The following DIP2C variants were observed in gnomAD, a reference collection of about 807,000 sequenced individuals.
DIP2C encodes the protein DIP2 acetate--CoA ligase C (putative), also known as disco-interacting protein 2 homolog C.
In DIP2C, 33 loss-of-function variants were observed where a neutral mutation model predicts 192.4. The ratio of observed to expected loss-of-function variants is 0.17; its 90% confidence interval spans 0.13 to 0.23. The LOEUF (loss-of-function observed/expected upper bound fraction) is 0.23, where lower values mean the gene tolerates loss of function less well. DIP2C is among the 10% of genes least tolerant of loss of function. DIP2C has a pLI of 1.00. For missense variants in DIP2C, 1,537 were observed against 2,110.1 expected (o/e 0.73, Z 5.32); for synonymous variants, 979 against 864.1 (o/e 1.13, Z -2.33).
At chr10:591,635 C>G (rs1851408234) in intron 1 of DIP2C, among the ~76,000 whole-genome samples, 1 of 152,170 alleles carries the variant, frequency 6.6e-6, no homozygotes, top group Admixed American at 6.5e-5. Context: ...AAGCTGTTGG[C>G]TAAATACAAC....
rs1954434281 is a variant in DIP2C, at chr10:274,932, A to T, written c.*2393T>A. ...CAGAATGACCCTTCTTTATTGCTGA[A>T]ACTGGTGGTACTAAGTGTCTCCTTT... On this transcript the variant is annotated 3_prime_UTR_variant, in exon 37 of 37. Coordinates refer to ENST00000280886, the MANE Select transcript of DIP2C (RefSeq NM_014974.3). 1 of 152,204 alleles carries T rather than the reference A, an allele frequency of 6.6e-6. No individual in the cohort carries two copies. The highest frequency in any genetic ancestry group is 2.4e-5 in the African/African-American group (1 of 41,456). The allele number at this position is 152,204 out of a possible 1,614,324, so 9.4% of individuals were successfully genotyped here.
At chr10:553,962 A>G (rs1564843400) in intron 1 of DIP2C, among the ~76,000 whole-genome samples, 1 of 151,062 alleles carries the variant, frequency 6.6e-6, no homozygotes, top group Non-Finnish European at 1.5e-5. Flanking sequence ...CATAGAAAAA[A>G]CGTATACGCT....
At chr10:519,582 G>A (rs1047593914) in intron 1 of DIP2C, among the ~76,000 whole-genome samples, 1 of 152,210 alleles carries the variant, frequency 6.6e-6, no homozygotes, top group Non-Finnish European at 1.5e-5. Context: ...ACGAGCCTGG[G>A]AAGAGGGCCG....
At chr10:482,198 C>T (rs1366971027) in intron 2 of DIP2C, among the ~76,000 whole-genome samples, 2 of 152,294 alleles carry the variant, frequency 1.3e-5, no homozygotes, top group East Asian at 3.9e-4. Context: ...TCGGGAGGGA[C>T]AGCGGCGTGG....
intron 1 of DIP2C, among the ~76,000 whole-genome samples, chr10:619,366 G>A (rs905592374): frequency 1.8e-4 from 27 of 152,330 alleles, no homozygotes; most frequent in African/African-American, 6.3e-4. Context: ...GCTGGCTCCG[G>A]GGAAGCGACC....
chr10:312,132 C>T (rs973378668), intron 31 of DIP2C, among the ~76,000 whole-genome samples: 10 of 152,176 alleles, frequency 6.6e-5, no homozygotes, highest in Admixed American at 5.2e-4. Context: ...ACGGTCTGCT[C>T]GGCAGCCTCA....
chr10:426,709 A>C (rs1312999931), intron 4 of DIP2C, among the ~76,000 whole-genome samples: 1 of 152,222 alleles, frequency 6.6e-6, no homozygotes, highest in Non-Finnish European at 1.5e-5. Flanking sequence ...ATTTACGGTC[A>C]ATTTATTTTT....
Position 457,835 on chromosome 10 carries a change from G to A in DIP2C, c.268+14604C>T, listed in dbSNP as rs146025628. ...CTCCCAAAGTGCTGGCATTACAGGC[G>A]TGAGCCACTGCACCTGGCCAAAAGT... is the stretch of plus-strand genomic sequence containing the variant. On this transcript the variant is annotated intron_variant, in intron 3 of 36. Coordinates refer to ENST00000280886, the MANE Select transcript of DIP2C (RefSeq NM_014974.3). Among the ~76,000 whole-genome samples, 14 of 152,258 alleles carry A rather than the reference G, an allele frequency of 9.2e-5. No individual in the cohort carries two copies. The East Asian group carries it at 2.3e-3, about 25-fold the overall frequency.
intron 32 of DIP2C, among the ~76,000 whole-genome samples, chr10:304,155 A>G (rs999263835): frequency 1.1e-4 from 17 of 152,216 alleles, no homozygotes. Flanking sequence ...ACAGTCCAGT[A>G]TTATGCACGT....
chr10:508,216 T>G (rs556604575), intron 1 of DIP2C, among the ~76,000 whole-genome samples: 12 of 152,140 alleles, frequency 7.9e-5, no homozygotes, highest in Non-Finnish European at 1.6e-4. Context: ...AAATCTCTTC[T>G]GAAAATATCC....
intron 32 of DIP2C, among the ~76,000 whole-genome samples, chr10:302,552 G>T (rs113141264): frequency 6.6e-6 from 1 of 152,118 alleles, no homozygotes; most frequent in Admixed American, 6.5e-5. Flanking sequence ...TGTACTTAAC[G>T]ACAAGGCAAC....
rs71492970 is a variant in DIP2C at position 346,513 on chromosome 10, G to A, written c.3232-1403C>T. Among the ~76,000 whole-genome samples the A allele has an allele frequency of 7.0e-5, 9 of 128,864 alleles. No individual in the cohort carries two copies. In the East Asian group the frequency reaches 1.2e-3, roughly 18 times the overall value. 84.5% of individuals were successfully genotyped at this position (128,864 alleles called of 152,430 possible). A position where few individuals can be genotyped will look rare whatever the true frequency, so the allele number is the denominator to read the frequency against. ...AACCCCACACGCACCCAGACACATCGCGCATAGTTCTCCCGGAAACCCCAC... is the reference window on the plus strand; with the variant it reads ...AACCCCACACGCACCCAGACACATCACGCATAGTTCTCCCGGAAACCCCAC... On this transcript the variant is annotated intron_variant, in intron 26 of 36. Coordinates refer to ENST00000280886, the MANE Select transcript of DIP2C (RefSeq NM_014974.3).
At chr10:645,345 G>A (rs1421916085) in intron 1 of DIP2C, among the ~76,000 whole-genome samples, 2 of 152,130 alleles carry the variant, frequency 1.3e-5, no homozygotes, top group Non-Finnish European at 1.5e-5. Context: ...GTGGTGTAAG[G>A]TGATTTAGAA....
intron 23 of DIP2C, among the ~76,000 whole-genome samples, chr10:357,301 C>T (rs1362549244): frequency 6.6e-6 from 1 of 152,160 alleles, no homozygotes; most frequent in African/African-American, 2.4e-5. Flanking sequence ...GGAGGCCTGG[C>T]CCCCTAACCT....
At position 633,918 on chromosome 10, in the gene DIP2C, C is replaced by G. The variant is rs138406298; in HGVS notation, c.85+55576G>C. 1.8e-3 allele frequency among the ~76,000 whole-genome samples: 274 copies of G among 152,350 alleles called. 2 individuals carry two copies. The highest frequency in any genetic ancestry group is 6.3e-3 in the African/African-American group (262 of 41,584). On this transcript the variant is annotated intron_variant, in intron 1 of 36. Coordinates refer to ENST00000280886, the MANE Select transcript of DIP2C (RefSeq NM_014974.3). ...AATGCACTCAACTCCCAAACAGAGA[C>G]AGAAACTGCTTTTTTTCCTTAAAAG...
chr10:416,958 G>A (rs1296661588), intron 6 of DIP2C, among the ~76,000 whole-genome samples: 2 of 152,188 alleles, frequency 1.3e-5, no homozygotes, highest in African/African-American at 2.4e-5. Context: ...GAATAGAACA[G>A]AATTCAAGGA....
chr10:546,602 C>T (rs1374655419), intron 1 of DIP2C, among the ~76,000 whole-genome samples: 1 of 152,212 alleles, frequency 6.6e-6, no homozygotes, highest in African/African-American at 2.4e-5. Context: ...ATGTCACAAG[C>T]GGCACTTCCA....
chr10:539,680 A>G (rs912134756), intron 1 of DIP2C, among the ~76,000 whole-genome samples: 1 of 152,240 alleles, frequency 6.6e-6, no homozygotes, highest in Non-Finnish European at 1.5e-5. Context: ...GAGACTTGAC[A>G]TGTTCTTATC....
intron 3 of DIP2C, among the ~76,000 whole-genome samples, chr10:459,561 A>G (rs1969582669): frequency 6.6e-6 from 1 of 152,134 alleles, no homozygotes; most frequent in Non-Finnish European, 1.5e-5. Context: ...TCTTCCTCTC[A>G]GTCACATCAG....
Sources: gnomAD v4.1 joint callset for allele counts (sites outside exome capture counted in the v4.1 genomes callset) on GRCh38, gnomAD v4.1.1 for gene constraint, MANE v1.5 for transcripts, NCBI Gene and HGNC (gene_info 2026-07-23, HGNC 2026-07-21) for gene names.